The following SEMA3D variants were observed in gnomAD, a reference collection of about 807,000 sequenced individuals.
The protein encoded by SEMA3D is semaphorin-3D.
In SEMA3D, 84 loss-of-function variants were observed where a neutral mutation model predicts 100.1. The ratio of observed to expected loss-of-function variants is 0.84; its 90% CI spans 0.70 to 1.01. The LOEUF (loss-of-function observed/expected upper bound fraction) is 1.01, where lower values mean the gene tolerates loss of function less well. Ranked by LOEUF, SEMA3D falls within the 50% of genes least tolerant of loss-of-function variation. SEMA3D has a pLI of 0.00. For missense variants in SEMA3D, 875 were observed against 934.1 expected (o/e 0.94, Z 0.82); for synonymous variants, 312 against 320.7 (o/e 0.97, Z 0.29).
intron 1 of SEMA3D, among the ~76,000 whole-genome samples, chr7:85,181,358 ACACATG>A: frequency 6.7e-6 from 1 of 150,052 alleles, no homozygotes; most frequent in African/African-American, 2.5e-5. Context: ...ACACACACAC[ACACATG>A]CACTGCTAGA....
chr7:85,131,424 T>A (rs181942706), intron 2 of SEMA3D, among the ~76,000 whole-genome samples: 82 of 152,184 alleles, frequency 5.4e-4, no homozygotes, highest in African/African-American at 1.9e-3. Context: ...TCATTTAAAT[T>A]AAATCACATA....
chr7:85,186,269 G>A (rs1350032465), intron 1 of SEMA3D, among the ~76,000 whole-genome samples: 2 of 152,160 alleles, frequency 1.3e-5, no homozygotes, highest in South Asian at 2.1e-4. Context: ...TGCGGAAGCC[G>A]GGGACACATT....
intron 18 of SEMA3D, among the ~76,000 whole-genome samples, chr7:85,000,131 T>C (rs1227098577): frequency 2.6e-5 from 4 of 152,172 alleles, no homozygotes; most frequent in Non-Finnish European, 5.9e-5. Flanking sequence ...GTTATTTTTT[T>C]TCTCTCAATA....
At chr7:85,021,648 C>T (rs761318425) in intron 13 of SEMA3D, among the ~76,000 whole-genome samples, 27 of 151,700 alleles carry the variant, frequency 1.8e-4, no homozygotes, top group Middle Eastern at 3.4e-3. Flanking sequence ...GTTGAAAATT[C>T]TTAATTTTTA....
At chr7:85,227,751 A>C in the SEMA3D span, among the ~76,000 whole-genome samples, 1 of 152,118 alleles carries the variant, frequency 6.6e-6, no homozygotes, top group Admixed American at 6.6e-5. Context: ...GATGAATTTC[A>C]TAAGTTAGAA....
chr7:85,140,545 T>C (rs1790016343), intron 2 of SEMA3D: 1 of 983,198 alleles, frequency 1.0e-6, no homozygotes, highest in Non-Finnish European at 1.2e-6. Flanking sequence ...TCAGCACAAA[T>C]TTCTGTCCAA....
intron 12 of SEMA3D, among the ~76,000 whole-genome samples, chr7:85,036,511 G>T (rs1241779428): frequency 1.3e-5 from 2 of 152,116 alleles, no homozygotes; most frequent in Admixed American, 1.3e-4. Flanking sequence ...GTAGAAGTGG[G>T]GATTAGAAGA....
intron 6 of SEMA3D, among the ~76,000 whole-genome samples, chr7:85,070,667 CCCATAATTCT>C (rs1264288238): frequency 1.1e-4 from 17 of 152,198 alleles, no homozygotes; most frequent in Non-Finnish European, 2.2e-4. Context: ...CCCCTGTTTA[CCCATAATTCT>C]CTTATTCATG....
the SEMA3D span, among the ~76,000 whole-genome samples, chr7:85,213,480 T>C: frequency 2.0e-5 from 3 of 152,086 alleles, no homozygotes; most frequent in African/African-American, 4.8e-5. Flanking sequence ...AAGTTTTAAG[T>C]AAGGCCTTTA....
At position 84,999,360 on chromosome 7, in the gene SEMA3D, G is replaced by T; in HGVS notation, c.*80C>A. On this transcript the variant is annotated 3_prime_UTR_variant, in exon 19 of 19. Coordinates refer to ENST00000284136, the MANE Select transcript of SEMA3D (RefSeq NM_001384900.1). ...GCAAAACTCCATGGGAAGCATTTAT[G>T]AATTACTATAAGGGATATACAAAAC... 9.2e-7 allele frequency: 1 copy of T among 1,085,312 alleles called. No individual in the cohort carries two copies. The highest frequency in any genetic ancestry group is 1.5e-5 in the South Asian group (1 of 65,644). The allele number at this position is 1,085,312 out of a possible 1,614,324, so 67.2% of individuals were successfully genotyped here.
At chr7:85,018,935 T>A (rs1790179673) in intron 14 of SEMA3D, among the ~76,000 whole-genome samples, 2 of 151,750 alleles carry the variant, frequency 1.3e-5, no homozygotes, top group Non-Finnish European at 3.0e-5. Flanking sequence ...CTATCATCTA[T>A]CTACTATTTA....
chr7:85,075,632 G>C (rs552471341), intron 5 of SEMA3D, among the ~76,000 whole-genome samples: 14 of 152,104 alleles, frequency 9.2e-5, no homozygotes, highest in Non-Finnish European at 1.8e-4. Context: ...TGTGAATCTT[G>C]AATTATCTGA....
intron 18 of SEMA3D, among the ~76,000 whole-genome samples, chr7:85,002,363 T>C (rs1436518517): frequency 2.6e-5 from 4 of 152,200 alleles, no homozygotes; most frequent in Non-Finnish European, 5.9e-5. Flanking sequence ...AAAATTTCAA[T>C]AATATGCTTT....
At chr7:85,061,856 C>T (rs1351527230) in intron 8 of SEMA3D, among the ~76,000 whole-genome samples, 5 of 152,188 alleles carry the variant, frequency 3.3e-5, no homozygotes, top group African/African-American at 1.2e-4. Context: ...TGAATGGCTG[C>T]TTGCACTTTC....
At chr7:85,158,596 A>G (rs1443887850) in intron 1 of SEMA3D, among the ~76,000 whole-genome samples, 3 of 151,668 alleles carry the variant, frequency 2.0e-5, no homozygotes, top group African/African-American at 7.3e-5. Flanking sequence ...TCTCACCCTG[A>G]CTCTGTTTAC....
At chr7:85,028,550 CA>C (rs1330097971) in intron 12 of SEMA3D, 1 of 308,310 alleles carries the variant, frequency 3.2e-6, no homozygotes, top group Non-Finnish European at 6.1e-6. Flanking sequence ...AAATGTCAAC[CA>C]TTTTACTGGT....
the SEMA3D span, among the ~76,000 whole-genome samples, chr7:85,238,879 A>G: frequency 7.9e-5 from 12 of 152,008 alleles, no homozygotes; most frequent in African/African-American, 2.9e-4. Context: ...AGAGTTTTGT[A>G]GTTTTTCTTT....
At chr7:85,248,852 A>G in the SEMA3D span, among the ~76,000 whole-genome samples, 1 of 152,202 alleles carries the variant, frequency 6.6e-6, no homozygotes, top group Non-Finnish European at 1.5e-5. Context: ...TAGGCAGGGC[A>G]TAGATGATTT....
chr7:85,018,385 G>T, intron 14 of SEMA3D, 92 bp from the exon 15 acceptor site: 1 of 776,830 alleles, frequency 1.3e-6, no homozygotes, highest in Non-Finnish European at 2.2e-6. Flanking sequence ...ATATATCACT[G>T]AAGTAAACAT....
Sources: gnomAD v4.1 joint callset for allele counts (sites outside exome capture counted in the v4.1 genomes callset) on GRCh38, gnomAD v4.1.1 for gene constraint, MANE v1.5 for transcripts, NCBI Gene and HGNC (gene_info 2026-07-23, HGNC 2026-07-21) for gene names.